The following DIPK1A variants were observed in gnomAD, a reference collection of about 807,000 sequenced individuals.
DIPK1A encodes the protein family with sequence similarity 69 member A.
In DIPK1A, 27 loss-of-function variants were observed where a neutral mutation model predicts 40.8. That is an observed-to-expected ratio of 0.66 (90% CI 0.49 to 0.91). The LOEUF (loss-of-function observed/expected upper bound fraction) is 0.91. DIPK1A is among the 40% of genes least tolerant of loss of function. The pLI is 0.00. For synonymous variants in DIPK1A, 166 were observed against 171.3 expected, an observed-to-expected ratio of 0.97 and a Z score of 0.24; for missense variants, 412 against 505.7, an observed-to-expected ratio of 0.81 and a Z score of 1.78.
At chr1:92,885,064 A>G (rs1205715899) in intron 1 of DIPK1A, among the ~76,000 whole-genome samples, 1 of 152,200 alleles carries the variant, frequency 6.6e-6, no homozygotes, top group Non-Finnish European at 1.5e-5. Flanking sequence ...GTAATTAAAT[A>G]TTGAAACATA....
chr1:92,845,739 G>A (rs1687580254), intron 4 of DIPK1A, among the ~76,000 whole-genome samples: 1 of 151,990 alleles, frequency 6.6e-6, no homozygotes, highest in Non-Finnish European at 1.5e-5. Context: ...GGGAGGCTGA[G>A]GCAGGAGAAC....
intron 1 of DIPK1A, among the ~76,000 whole-genome samples, chr1:92,893,516 A>T (rs1384760775): frequency 1.3e-5 from 2 of 152,080 alleles, no homozygotes; most frequent in Non-Finnish European, 2.9e-5. Flanking sequence ...TAAACATGGA[A>T]AGGAACAACC....
intron 1 of DIPK1A, among the ~76,000 whole-genome samples, chr1:92,927,374 T>G (rs367700507): frequency 0.32 from 46,603 of 146,636 alleles, 7,909 homozygotes; most frequent in Non-Finnish European, 0.37. Flanking sequence ...GTTTTTTTTT[T>G]TTTTTTTTTT....
rs972092216 is a variant in DIPK1A, at chr1:92,842,741, A to T, written c.*642T>A. The T allele has an allele frequency of 5.7e-5, 56 of 985,338 alleles. No homozygotes were observed. Among genetic ancestry groups the T allele is most frequent in the Non-Finnish European group, 6.6e-5 (55 of 829,948 alleles). The allele number at this position is 985,338 out of a possible 1,614,324, so 61.0% of individuals were successfully genotyped here. ...GCCCTTTGAATCTTTAGGAAAGTTC[A>T]TCCATTTTTAGTCAATAAAATTGGT... On this transcript the variant is annotated 3_prime_UTR_variant, in exon 5 of 5. Transcript: ENST00000370310.
chr1:92,960,107 G>A (rs1024217909), intron 1 of DIPK1A, among the ~76,000 whole-genome samples: 2 of 151,412 alleles, frequency 1.3e-5, no homozygotes, highest in Non-Finnish European at 2.9e-5. Flanking sequence ...TACCTGGCCT[G>A]GGTTGAATTC....
intron 1 of DIPK1A, among the ~76,000 whole-genome samples, chr1:92,943,946 A>G (rs1307511282): frequency 1.3e-5 from 2 of 152,256 alleles, no homozygotes; most frequent in Non-Finnish European, 2.9e-5. Flanking sequence ...TCTGAAAGGA[A>G]TGAAGACAAT....
chr1:92,914,611 A>C (rs1052620950), intron 1 of DIPK1A, among the ~76,000 whole-genome samples: 3 of 151,564 alleles, frequency 2.0e-5, no homozygotes, highest in Non-Finnish European at 2.9e-5. Context: ...TCTACTAAAA[A>C]CACAAAAATT....
intron 1 of DIPK1A, among the ~76,000 whole-genome samples, chr1:92,891,230 TAATGGTTTACC>T (rs1408794393): frequency 1.3e-5 from 2 of 152,120 alleles, no homozygotes; most frequent in African/African-American, 4.8e-5. Context: ...TTAGTCCAGC[TAATGGTTTACC>T]AATTTTGTTT....
At chr1:92,956,293 G>A (rs979421532) in intron 1 of DIPK1A, among the ~76,000 whole-genome samples, 2 of 152,178 alleles carry the variant, frequency 1.3e-5, no homozygotes, top group Non-Finnish European at 2.9e-5. Context: ...CAATCTGCCT[G>A]AGAATTCACC....
At chr1:92,927,223 C>G (rs1201672013) in intron 1 of DIPK1A, among the ~76,000 whole-genome samples, 1 of 152,116 alleles carries the variant, frequency 6.6e-6, no homozygotes, top group Non-Finnish European at 1.5e-5. Flanking sequence ...TGCTTTGTCA[C>G]CTATGATGGA....
chr1:92,936,849 A>G (rs909333698), intron 1 of DIPK1A, among the ~76,000 whole-genome samples: 1 of 152,184 alleles, frequency 6.6e-6, no homozygotes, highest in African/African-American at 2.4e-5. Context: ...TGAAAACTGT[A>G]AATCAACTGT....
chr1:92,846,713 C>T (rs568619278), intron 4 of DIPK1A: 7 of 232,482 alleles, frequency 3.0e-5, no homozygotes, highest in African/African-American at 8.2e-5. Context: ...ACTGCAACCT[C>T]GACCTCCCAG....
chr1:92,917,971 T>G (rs1445383257), intron 1 of DIPK1A, among the ~76,000 whole-genome samples: 1 of 152,146 alleles, frequency 6.6e-6, no homozygotes, highest in Non-Finnish European at 1.5e-5. Flanking sequence ...GCAAACTGAA[T>G]ATCTAAAGAT....
chr1:92,860,912 G>A (rs1254895902), intron 2 of DIPK1A, among the ~76,000 whole-genome samples: 1 of 152,166 alleles, frequency 6.6e-6, no homozygotes, highest in Non-Finnish European at 1.5e-5. Context: ...CTGAATAAAT[G>A]TCTACATGTC....
At chr1:92,955,378 A>T (rs1197615852) in intron 1 of DIPK1A, among the ~76,000 whole-genome samples, 1 of 152,154 alleles carries the variant, frequency 6.6e-6, no homozygotes, top group African/African-American at 2.4e-5. Flanking sequence ...ACTGTAAAAC[A>T]TGTACCATTA....
chr1:92,905,223 C>G (rs1405148782), intron 1 of DIPK1A, among the ~76,000 whole-genome samples: 1 of 152,108 alleles, frequency 6.6e-6, no homozygotes, highest in African/African-American at 2.4e-5. Flanking sequence ...TTCTGAGGAA[C>G]AACCATGCCA....
At chr1:92,859,988 C>T (rs1255279454) in intron 2 of DIPK1A, among the ~76,000 whole-genome samples, 1 of 152,140 alleles carries the variant, frequency 6.6e-6, no homozygotes, top group African/African-American at 2.4e-5. Flanking sequence ...AGGCATAAGC[C>T]ACTGCACCCG....
At chr1:92,921,696 T>G (rs1650275640) in intron 1 of DIPK1A, among the ~76,000 whole-genome samples, 2 of 152,134 alleles carry the variant, frequency 1.3e-5, no homozygotes, top group Non-Finnish European at 2.9e-5. Flanking sequence ...GGATCCAAAG[T>G]GAAGGCTAAA....
chr1:92,840,275 T>C (rs1687301178), downstream of DIPK1A: 1 of 390,202 alleles, frequency 2.6e-6, no homozygotes, highest in South Asian at 2.3e-5. Context: ...ACTCCCAAAG[T>C]GCTTGAGATT....
Sources: gnomAD v4.1 joint callset for allele counts (sites outside exome capture counted in the v4.1 genomes callset) on GRCh38, gnomAD v4.1.1 for gene constraint, MANE v1.5 for transcripts, NCBI Gene and HGNC (gene_info 2026-07-23, HGNC 2026-07-21) for gene names.